Variants in EMILIN2 observed in about 807,000 individuals in gnomAD.
EMILIN2 encodes EMILIN-2.
EMILIN2 carries 71 observed loss-of-function variants against 87.1 expected under a neutral mutation model. The observed-to-expected ratio is 0.82, with a 90% CI of 0.67 to 0.99. The LOEUF (loss-of-function observed/expected upper bound fraction) is 0.99, where lower values mean the gene tolerates loss of function less well. Ranked by LOEUF, EMILIN2 falls within the 50% of genes least tolerant of loss-of-function variation. The probability of loss-of-function intolerance (pLI) is 0.00; values close to 1 mark genes in which losing one functional copy is unlikely to be tolerated. For synonymous variants in EMILIN2, 581 were observed against 563.4 expected (o/e 1.03, Z -0.44); for missense variants, 1,407 against 1,371.8 (o/e 1.03, Z -0.40).
chr18:2,901,982 T>C (rs555189070), intron 4 of EMILIN2, among the ~76,000 whole-genome samples: 6 of 152,320 alleles, frequency 3.9e-5, no homozygotes, highest in African/African-American at 1.4e-4. Context: ...CCCAAGGAGA[T>C]CCACTGAGGA....
At chr18:2,879,365 T>G (rs2144014167) in intron 2 of EMILIN2, among the ~76,000 whole-genome samples, 1 of 152,274 alleles carries the variant, frequency 6.6e-6, no homozygotes. Context: ...TTGGTTTAAA[T>G]GTTAACAGCC....
upstream of EMILIN2, chr18:2,846,676 G>C: frequency 4.6e-6 from 4 of 860,522 alleles, no homozygotes; most frequent in Non-Finnish European, 5.6e-6. This position sits in a 1 kb window ranked among gnomAD's most constrained non-coding sequence, Gnocchi z 5.3. Context: ...ACCCAGGCAC[G>C]ACGCGAGGAC....
chr18:2,908,793 A>C (rs1568486519), intron 5 of EMILIN2, 150 bp from the exon 6 acceptor site: 1 of 858,914 alleles, frequency 1.2e-6, no homozygotes, highest in Non-Finnish European at 2.0e-6. Context: ...GAAGGAGGGC[A>C]GTGACAGTGG....
In EMILIN2 at chr18:2,848,070, TC is replaced by T. The variant is rs1167211172; in HGVS notation, c.257+141del. The T allele has an allele frequency of 2.5e-6, 3 of 1,180,412 alleles. No individual in the cohort carries two copies. The African/African-American group carries it at 4.7e-5, about 19-fold the overall frequency. The allele number at this position is 1,180,412 out of a possible 1,614,324, so 73.1% of individuals were successfully genotyped here. ...TGAAAAGCCCGCAGCGGAAAAGCGC[TC>T]CGAGCGCTCGCGGGGCACCGGCCAC... On this transcript the variant is annotated intron_variant, in intron 2 of 7. Transcript: ENST00000254528. The surrounding 1 kb of genome is among the most constrained non-coding windows in gnomAD (Gnocchi z 4.1).
chr18:2,853,471 G>A (rs557480638), intron 2 of EMILIN2, among the ~76,000 whole-genome samples: 52 of 151,660 alleles, frequency 3.4e-4, no homozygotes, highest in African/African-American at 1.2e-3. Flanking sequence ...GAGTGACTTG[G>A]AATTCTTTGA....
At chr18:2,877,818 C>A (rs1012507833) in intron 2 of EMILIN2, among the ~76,000 whole-genome samples, 4 of 151,146 alleles carry the variant, frequency 2.6e-5, no homozygotes. Flanking sequence ...CACTGTCTTG[C>A]GAATTTCTAA....
At position 2,891,945 on chromosome 18, in the gene EMILIN2, G is replaced by C. The variant is rs1048941402; in HGVS notation, c.1818G>C (p.Gln606His). The change falls in exon 4 of 8, where the codon CAG (glutamine) becomes CAC (histidine). Residue 606 changes from glutamine to histidine, a missense_variant. Coordinates refer to ENST00000254528, the MANE Select transcript of EMILIN2 (RefSeq NM_032048.3). This position sits in a 1 kb window ranked among gnomAD's most constrained non-coding sequence, Gnocchi z 4.6. Reference sequence around the variant, plus strand: ...AACAAACCATCCAGAAACTTCAACAGGATTTTAGTTTTCTTTATTCTCAAT... The same window carrying C: ...AACAAACCATCCAGAAACTTCAACACGATTTTAGTTTTCTTTATTCTCAAT... ...ETEQTIQKLQ[Q>H]DFSFLYSQLN... is the part of the protein sequence containing the mutation. The C allele has an allele frequency of 2.2e-5, 35 of 1,614,204 alleles. No individual in the cohort carries two copies. Among genetic ancestry groups the C allele is most frequent in the Non-Finnish European group, 2.9e-5 (34 of 1,180,048 alleles).
intron 4 of EMILIN2, among the ~76,000 whole-genome samples, chr18:2,899,531 G>C (rs1207994206): frequency 6.6e-6 from 1 of 151,878 alleles, no homozygotes; most frequent in Admixed American, 6.6e-5. Flanking sequence ...TTTCAGCGGA[G>C]TCTTGCTCTG....
At chr18:2,867,957 G>A (rs1402279542) in intron 2 of EMILIN2, among the ~76,000 whole-genome samples, 6 of 151,882 alleles carry the variant, frequency 4.0e-5, no homozygotes, top group Admixed American at 6.5e-5. Context: ...CCTCCCGGAC[G>A]GGGCGGCTGG....
chr18:2,847,733 G>T lies in EMILIN2; in HGVS notation c.135-76G>T. ...CCCGACCCTCGCTCGGTCTGGTGCC[G>T]CAGTCCCCTCTCCCCTGGCCTCATT... On this transcript the variant is annotated intron_variant, in intron 1 of 7. Coordinates refer to ENST00000254528, the MANE Select transcript of EMILIN2 (RefSeq NM_032048.3). This position sits in a 1 kb window ranked among gnomAD's most constrained non-coding sequence, Gnocchi z 4.5. 3.2e-6 allele frequency: 5 copies of T among 1,542,864 alleles called. No homozygotes were observed. The highest frequency in any genetic ancestry group is 3.5e-6 in the Non-Finnish European group (4 of 1,149,158).
rs148095027 is a variant in EMILIN2 at position 2,888,984 on chromosome 18, T to A, written c.434-1577T>A. 9.3e-3 allele frequency among the ~76,000 whole-genome samples: 1,417 copies of A among 152,242 alleles called. 22 individuals are homozygous for A. The highest frequency in any genetic ancestry group is 0.031 in the African/African-American group (1,305 of 41,550). ...TCCAATGTTTTCCAGTGTAATATAT[T>A]AATGCATTTTATTTAATTGCAACCT... On this transcript the variant is annotated intron_variant, in intron 3 of 7. Coordinates refer to ENST00000254528, the MANE Select transcript of EMILIN2 (RefSeq NM_032048.3).
chr18:2,884,878 C>A, intron 2 of EMILIN2, 86 bp from the exon 3 acceptor site: 3 of 1,443,242 alleles, frequency 2.1e-6, no homozygotes, highest in Non-Finnish European at 2.8e-6. Flanking sequence ...TCCTGCATGC[C>A]CTGAGTCCTC....
Position 2,915,492 on chromosome 18 carries a change from C to T in EMILIN2, c.*2088C>T, listed in dbSNP as rs621739. On this transcript the variant is annotated 3_prime_UTR_variant, in exon 8 of 8. Transcript: ENST00000254528. The stretch of plus-strand genomic sequence containing the variant: ...GCGAGTCAGTCAGAGGCATACCAAA[C>T]CCTGAGACAGAATCAGGCACAAGTT... 6.6e-6 allele frequency: 1 copy of T among 152,042 alleles called. No homozygotes were observed. The highest frequency in any genetic ancestry group is 2.4e-5 in the African/African-American group (1 of 41,458). The allele number at this position is 152,042 out of a possible 1,614,324, so 9.4% of individuals were successfully genotyped here.
chr18:2,889,841 G>A (rs985067427), intron 3 of EMILIN2, among the ~76,000 whole-genome samples: 3 of 151,834 alleles, frequency 2.0e-5, no homozygotes, highest in African/African-American at 4.8e-5. Flanking sequence ...TTCAATATTT[G>A]CATTCTTTGA....
rs144160548 is a variant in EMILIN2 at position 2,857,661 on chromosome 18, G to T, written c.257+9730G>T. ...ACCTCTCTCCATTAAAGCGACTCTG[G>T]CTTGCCTTTAGCCTTTGAATGAAGG... On this transcript the variant is annotated intron_variant, in intron 2 of 7. Coordinates refer to ENST00000254528, the MANE Select transcript of EMILIN2 (RefSeq NM_032048.3). Among the ~76,000 whole-genome samples the T allele has an allele frequency of 3.5e-4, 54 of 152,266 alleles. 1 individual carries two copies. In the East Asian group the frequency reaches 9.9e-3, roughly 28 times the overall value.
chr18:2,867,657 A>G (rs1460402436), intron 2 of EMILIN2, among the ~76,000 whole-genome samples: 3 of 152,376 alleles, frequency 2.0e-5, no homozygotes, highest in Non-Finnish European at 1.5e-5. Flanking sequence ...CAGAGAGCAC[A>G]GGGTTGGGGG....
At chr18:2,901,268 G>T (rs1344257038) in intron 4 of EMILIN2, among the ~76,000 whole-genome samples, 1 of 152,200 alleles carries the variant, frequency 6.6e-6, no homozygotes, top group African/African-American at 2.4e-5. Flanking sequence ...CCTTTCCCCA[G>T]GTCTCCTCCT....
At chr18:2,860,266 T>C (rs2076653862) in intron 2 of EMILIN2, among the ~76,000 whole-genome samples, 1 of 152,174 alleles carries the variant, frequency 6.6e-6, no homozygotes, top group Non-Finnish European at 1.5e-5. Flanking sequence ...CTTTAAGTTT[T>C]AGGGTACATG....
chr18:2,893,089 A>G (rs1343128363), intron 4 of EMILIN2, among the ~76,000 whole-genome samples: 1 of 152,138 alleles, frequency 6.6e-6, no homozygotes, highest in Non-Finnish European at 1.5e-5. Flanking sequence ...ATTTAAGCAC[A>G]TGATCTACGT....
Sources: gnomAD v4.1 joint callset for allele counts (sites outside exome capture counted in the v4.1 genomes callset) on GRCh38, gnomAD v4.1.1 for gene constraint, Gnocchi (gnomAD v3.1) non-coding constraint, MANE v1.5 for transcripts, NCBI Gene and HGNC (gene_info 2026-07-23, HGNC 2026-07-21) for gene names.